THSD4: variants seen among roughly 807,000 people sequenced by gnomAD.
THSD4 encodes the protein thrombospondin type-1 domain-containing protein 4.
A neutral mutation model predicts 119.0 loss-of-function variants in THSD4; 69 were observed. That is an observed-to-expected ratio of 0.58 (90% confidence interval 0.48 to 0.71). The LOEUF (loss-of-function observed/expected upper bound fraction) is 0.71, where lower values mean the gene tolerates loss of function less well. Ranked by LOEUF, THSD4 falls within the 30% of genes least tolerant of loss-of-function variation. The pLI is 0.00. For synonymous variants in THSD4, 524 were observed against 540.4 expected, an observed-to-expected ratio of 0.97 and a Z score of 0.42; for missense variants, 1,393 against 1,391.1, an observed-to-expected ratio of 1.00 and a Z score of -0.02.
In THSD4 at chr15:71,527,357, A is replaced by C. The variant is rs2048537249; in HGVS notation, c.1152+115534A>C. Reference sequence around the variant, plus strand: ...AAACACACAAACTCTTCTCTGATGAATACAAAAAGGCTTGTGGTCAGGGCA... The same window carrying C: ...AAACACACAAACTCTTCTCTGATGACTACAAAAAGGCTTGTGGTCAGGGCA... On this transcript the variant is annotated intron_variant, in intron 7 of 17. Transcript: ENST00000261862. Among the ~76,000 whole-genome samples, 3 of 152,240 alleles carry C rather than the reference A, an allele frequency of 2.0e-5. No homozygotes were observed. In the South Asian group the frequency reaches 6.2e-4, roughly 32 times the overall value.
intron 6 of THSD4, chr15:71,348,242 T>C (rs549401101): frequency 1.3e-5 from 2 of 152,278 alleles, no homozygotes; most frequent in African/African-American, 4.8e-5. Context: ...ACCAGTGCTT[T>C]TCAAACTTTA....
intron 6 of THSD4, among the ~76,000 whole-genome samples, chr15:71,406,101 A>C (rs1217159650): frequency 1.3e-5 from 2 of 150,422 alleles, no homozygotes; most frequent in African/African-American, 4.9e-5. Flanking sequence ...GTATTTTCTA[A>C]TTTTCCTGTG....
intron 7 of THSD4, among the ~76,000 whole-genome samples, chr15:71,564,429 G>A (rs1281961837): frequency 6.6e-6 from 1 of 152,186 alleles, no homozygotes; most frequent in Non-Finnish European, 1.5e-5. Flanking sequence ...TGTTGCCTAA[G>A]TAGGAGTTTC....
chr15:71,312,696 T>G (rs2045128616), intron 6 of THSD4, among the ~76,000 whole-genome samples: 1 of 152,014 alleles, frequency 6.6e-6, no homozygotes, highest in South Asian at 2.1e-4. Flanking sequence ...GCCTCATACC[T>G]TCCTCTGCCT....
intron 10 of THSD4, among the ~76,000 whole-genome samples, chr15:71,735,219 G>A (rs914429239): frequency 7.2e-5 from 11 of 152,128 alleles, no homozygotes; most frequent in Non-Finnish European, 1.2e-4. Flanking sequence ...AGGTGCCACC[G>A]GGAGCAGCCT....
At chr15:71,489,773 C>A (rs1459030860) in intron 7 of THSD4, among the ~76,000 whole-genome samples, 1 of 152,126 alleles carries the variant, frequency 6.6e-6, no homozygotes, top group Non-Finnish European at 1.5e-5. Context: ...CGGGAGAATG[C>A]TGACTTATGC....
intron 14 of THSD4, among the ~76,000 whole-genome samples, chr15:71,750,081 G>A (rs1436744318): frequency 6.6e-6 from 1 of 152,004 alleles, no homozygotes; most frequent in African/African-American, 2.4e-5. Flanking sequence ...CTGGTCCAAG[G>A]ACCACACTCT....
At chr15:71,263,960 G>C (rs1420392477) in intron 6 of THSD4, among the ~76,000 whole-genome samples, 1 of 152,178 alleles carries the variant, frequency 6.6e-6, no homozygotes, top group African/African-American at 2.4e-5. Context: ...TGTTGCTCCA[G>C]GGAATATTAA....
At chr15:71,431,633 T>C (rs986292376) in intron 7 of THSD4, among the ~76,000 whole-genome samples, 1 of 151,964 alleles carries the variant, frequency 6.6e-6, no homozygotes, top group African/African-American at 2.4e-5. Flanking sequence ...TAAATCCAGT[T>C]TGTTGGTATA....
chr15:71,661,650 C>A (rs1000306870), intron 8 of THSD4, among the ~76,000 whole-genome samples: 1 of 152,124 alleles, frequency 6.6e-6, no homozygotes, highest in Non-Finnish European at 1.5e-5. Context: ...CCCACCTCGA[C>A]CTCCCAAAGT....
At chr15:71,667,789 A>C (rs1395683066) in intron 8 of THSD4, among the ~76,000 whole-genome samples, 1 of 152,228 alleles carries the variant, frequency 6.6e-6, no homozygotes, top group East Asian at 1.9e-4. Context: ...GAAATAGAGC[A>C]AAAAGGTAAA....
At chr15:71,099,821 C>T (rs186265492) in intron 1 of THSD4, among the ~76,000 whole-genome samples, 81 of 152,022 alleles carry the variant, frequency 5.3e-4, no homozygotes, top group Middle Eastern at 6.8e-3. Context: ...AAAAATTAGC[C>T]GGTCGTGGTG....
Position 71,765,014 on chromosome 15 carries a change from C to T in THSD4, c.2590-6C>T, listed in dbSNP as rs778325015. 22 of 1,611,704 alleles carry T rather than the reference C, an allele frequency of 1.4e-5. No individual in the cohort carries two copies. Among genetic ancestry groups the T allele is most frequent in the Non-Finnish European group, 1.8e-5 (21 of 1,178,760 alleles). ...GACACTCATCTTTTTCTGCTTCTTT[C>T]TGCAGTGTTCCATCGAGTGTGGGAG... On this transcript the variant is annotated splice_region_variant and splice_polypyrimidine_tract_variant and intron_variant, in intron 15 of 17. Coordinates refer to ENST00000261862, the MANE Select transcript of THSD4 (RefSeq NM_024817.3).
chr15:71,374,751 G>A lies in THSD4; in HGVS notation c.1016-36936G>A, dbSNP rs181877882. On this transcript the variant is annotated intron_variant, in intron 6 of 17. Coordinates refer to ENST00000261862, the MANE Select transcript of THSD4 (RefSeq NM_024817.3). ...TGAAATTAAGGCAGCAAAGGAAAAC[G>A]CCCAATCTCTGTTTATAAATGTGCA... Among the ~76,000 whole-genome samples the A allele has an allele frequency of 2.6e-4, 39 of 152,264 alleles. 1 individual carries two copies. The highest frequency in any genetic ancestry group is 9.8e-4 in the Admixed American group (15 of 15,306).
chr15:71,433,455 TG>T lies in THSD4; in HGVS notation c.1152+21633del, dbSNP rs998424193. Among the ~76,000 whole-genome samples, 120 of 149,008 alleles carry T rather than the reference TG, an allele frequency of 8.1e-4. 3 individuals are homozygous for T. In the South Asian group the frequency reaches 0.022, roughly 27 times the overall value. On this transcript the variant is annotated intron_variant, in intron 7 of 17. Coordinates refer to ENST00000261862, the MANE Select transcript of THSD4 (RefSeq NM_024817.3). ...GCCATTTAAGTTAACTTTTTTTCTT[TG>T]TTTTTTTTTTTTTGGTTTGTTTGTT... is the stretch of plus-strand genomic sequence containing the variant.
intron 5 of THSD4, among the ~76,000 whole-genome samples, chr15:71,246,072 G>T (rs2044197293): frequency 6.6e-6 from 1 of 152,158 alleles, no homozygotes; most frequent in Non-Finnish European, 1.5e-5. Flanking sequence ...AAGAGGAAAA[G>T]GTATACAGAT....
intron 8 of THSD4, among the ~76,000 whole-genome samples, chr15:71,685,126 C>T (rs1595862088): frequency 6.6e-6 from 1 of 151,760 alleles, no homozygotes; most frequent in East Asian, 1.9e-4. Flanking sequence ...GACCAGCTCT[C>T]AGGTTCTTAT....
chr15:71,419,760 A>T (rs1478525673), intron 7 of THSD4, among the ~76,000 whole-genome samples: 1 of 107,810 alleles, frequency 9.3e-6, no homozygotes. Context: ...CAAATTGTTT[A>T]ATTTCCATGA....
intron 7 of THSD4, among the ~76,000 whole-genome samples, chr15:71,582,609 G>T (rs977661431): frequency 5.3e-5 from 8 of 152,088 alleles, no homozygotes; most frequent in Admixed American, 3.9e-4. Context: ...TATGGCTTTA[G>T]CTGTGGGCTT....
Sources: gnomAD v4.1 joint callset for allele counts (sites outside exome capture counted in the v4.1 genomes callset) on GRCh38, gnomAD v4.1.1 for gene constraint, MANE v1.5 for transcripts, NCBI Gene and HGNC (gene_info 2026-07-23, HGNC 2026-07-21) for gene names.